The following OPCML variants were observed in gnomAD, a reference collection of about 807,000 sequenced individuals.
The protein encoded by OPCML is opioid-binding protein/cell adhesion molecule.
Under a neutral mutation model 37.8 loss-of-function variants are expected in OPCML, and 13 were observed. The ratio of observed to expected loss-of-function variants is 0.34; its 90% CI spans 0.22 to 0.55. The LOEUF is 0.55. OPCML is among the 20% of genes least tolerant of loss of function. OPCML has a pLI of 0.91. For synonymous variants in OPCML, 176 were observed against 168.8 expected (o/e 1.04, Z -0.33); for missense variants, 341 against 435.6 (o/e 0.78, Z 1.93).
At chr11:132,724,513 TG>T (rs1398726951) in intron 2 of OPCML, among the ~76,000 whole-genome samples, 1 of 152,032 alleles carries the variant, frequency 6.6e-6, no homozygotes, top group East Asian at 1.9e-4. Flanking sequence ...GAGATTTGGG[TG>T]GGGACACAGC....
intron 1 of OPCML, among the ~76,000 whole-genome samples, chr11:133,510,197 C>CCCCTGGACCA (rs1312608971): frequency 6.6e-6 from 1 of 152,168 alleles, no homozygotes; most frequent in East Asian, 1.9e-4. Flanking sequence ...ACCCAGGAGG[C>CCCCTGGACCA]CCCTTGATTC....
chr11:132,996,662 T>A (rs2136833341), intron 1 of OPCML, among the ~76,000 whole-genome samples: 1 of 149,930 alleles, frequency 6.7e-6, no homozygotes, highest in South Asian at 2.1e-4. Context: ...TTTCTATGTA[T>A]TTTTTTTTCC....
At chr11:133,020,820 C>T (rs73033005) in intron 1 of OPCML, among the ~76,000 whole-genome samples, 38 of 152,200 alleles carry the variant, frequency 2.5e-4, no homozygotes, top group East Asian at 1.4e-3. Context: ...GTTTGGTACA[C>T]GCCAATTAAA....
intron 1 of OPCML, among the ~76,000 whole-genome samples, chr11:133,267,470 A>G (rs990716714): frequency 2.0e-5 from 3 of 152,220 alleles, no homozygotes; most frequent in Non-Finnish European, 4.4e-5. Context: ...TAAGTGAGGT[A>G]TGTATATAAA....
At chr11:132,570,878 T>C (rs1156268562) in intron 3 of OPCML, among the ~76,000 whole-genome samples, 1 of 147,240 alleles carries the variant, frequency 6.8e-6, no homozygotes, top group Non-Finnish European at 1.5e-5. Flanking sequence ...TCTTACATGA[T>C]GGTTAATATT....
intron 1 of OPCML, among the ~76,000 whole-genome samples, chr11:133,459,400 T>TTTATG (rs1946807538): frequency 1.3e-5 from 2 of 152,052 alleles, no homozygotes; most frequent in Admixed American, 6.6e-5. Flanking sequence ...TGTAAGTGGC[T>TTTATG]TAAACTCTCC....
chr11:132,840,367 C>T (rs746012769), intron 2 of OPCML, among the ~76,000 whole-genome samples: 3 of 152,196 alleles, frequency 2.0e-5, no homozygotes, highest in Non-Finnish European at 2.9e-5. Context: ...CAGCAGCTGA[C>T]GGGGCCCCAA....
chr11:132,698,326 C>T (rs1428271414), intron 2 of OPCML, among the ~76,000 whole-genome samples: 4 of 152,142 alleles, frequency 2.6e-5, no homozygotes, highest in Non-Finnish European at 5.9e-5. Context: ...ATGCTGACAA[C>T]TGGCATTCTA....
intron 1 of OPCML, among the ~76,000 whole-genome samples, chr11:133,039,954 G>C (rs536828210): frequency 6.6e-6 from 1 of 151,560 alleles, no homozygotes; most frequent in African/African-American, 2.4e-5. Context: ...ACTTGAACCC[G>C]GGAGGCGGAG....
intron 1 of OPCML, among the ~76,000 whole-genome samples, chr11:133,441,753 TG>T (rs1392471869): frequency 6.6e-6 from 1 of 152,116 alleles, no homozygotes; most frequent in African/African-American, 2.4e-5. Flanking sequence ...AAAATGTATA[TG>T]CAACATTAAA....
chr11:133,386,106 G>A (rs796556046), intron 1 of OPCML, among the ~76,000 whole-genome samples: 3 of 152,304 alleles, frequency 2.0e-5, no homozygotes, highest in African/African-American at 7.2e-5. Flanking sequence ...GGATGAATAA[G>A]CAGAAGCTTG....
chr11:133,129,832 C>T (rs1412469841), intron 1 of OPCML, among the ~76,000 whole-genome samples: 2 of 152,084 alleles, frequency 1.3e-5, no homozygotes, highest in Non-Finnish European at 2.9e-5. Context: ...AACTTGAACA[C>T]AGGAGTTTGA....
At chr11:132,606,832 T>C (rs952840278) in intron 3 of OPCML, among the ~76,000 whole-genome samples, 3 of 152,138 alleles carry the variant, frequency 2.0e-5, no homozygotes, top group African/African-American at 7.2e-5. Context: ...CTGGAATTGA[T>C]AAGTAGATGA....
chr11:133,286,332 T>C (rs1000392103), intron 1 of OPCML, among the ~76,000 whole-genome samples: 10 of 150,872 alleles, frequency 6.6e-5, no homozygotes, highest in Admixed American at 1.3e-4. Flanking sequence ...AAGCCGGGCG[T>C]GGTGGCGGGC....
chr11:132,571,767 A>G (rs1356291843), intron 3 of OPCML, among the ~76,000 whole-genome samples: 1 of 152,184 alleles, frequency 6.6e-6, no homozygotes, highest in Non-Finnish European at 1.5e-5. Flanking sequence ...TATGGACCTC[A>G]ATTCTTTTGA....
At chr11:132,653,313 C>A (rs1941529647) in intron 3 of OPCML, among the ~76,000 whole-genome samples, 2 of 152,174 alleles carry the variant, frequency 1.3e-5, no homozygotes, top group African/African-American at 2.4e-5. Context: ...ACCTCTGGAT[C>A]TTTTCAGGTA....
intron 4 of OPCML, among the ~76,000 whole-genome samples, chr11:132,453,158 G>A (rs914617568): frequency 1.3e-5 from 2 of 152,064 alleles, no homozygotes; most frequent in Non-Finnish European, 2.9e-5. Context: ...ATTTATCTTC[G>A]CATTTGTCAT....
intron 1 of OPCML, among the ~76,000 whole-genome samples, chr11:133,273,854 G>A (rs12418510): frequency 0.054 from 8,218 of 152,266 alleles, 248 homozygotes; most frequent in Middle Eastern, 0.082. Context: ...AAAATCTCAC[G>A]AGTGTGAGGA....
At chr11:133,354,217 ATG>A (rs1944211939) in intron 1 of OPCML, among the ~76,000 whole-genome samples, 1 of 34,860 alleles carries the variant, frequency 2.9e-5, no homozygotes. Flanking sequence ...GGTGGTGATG[ATG>A]CTGGTGCTGG....
Sources: gnomAD v4.1 joint callset for allele counts (sites outside exome capture counted in the v4.1 genomes callset) on GRCh38, gnomAD v4.1.1 for gene constraint, MANE v1.5 for transcripts, NCBI Gene and HGNC (gene_info 2026-07-23, HGNC 2026-07-21) for gene names.